NPAS3: variants seen among roughly 807,000 people sequenced by gnomAD.
The protein encoded by NPAS3 is neuronal PAS domain protein 3, also known as neuronal PAS domain-containing protein 3.
NPAS3 carries 14 observed loss-of-function variants against 73.1 expected under a neutral mutation model. The observed-to-expected ratio is 0.19, with a 90% CI of 0.13 to 0.30. The LOEUF (loss-of-function observed/expected upper bound fraction) is 0.30. Ranked by LOEUF, NPAS3 falls within the 10% of genes least tolerant of loss-of-function variation. The probability of loss-of-function intolerance (pLI) is 1.00; values close to 1 mark genes in which losing one functional copy is unlikely to be tolerated. For synonymous variants in NPAS3, 620 were observed against 541.5 expected (o/e 1.14, Z -2.01); for missense variants, 1,096 against 1,250.0 (o/e 0.88, Z 1.86).
rs968683755 is a variant in NPAS3, at chr14:33,026,388, T to C, written c.51-29517T>C. Among the ~76,000 whole-genome samples, 4 of 152,222 alleles carry C rather than the reference T, an allele frequency of 2.6e-5. No homozygotes were observed. In the South Asian group the frequency reaches 8.3e-4, roughly 31 times the overall value. ...ACCTTCTTAGGGCAGGGAATCTGTA[T>C]GGTTCCTCCTTGTATCTGCAGTCTT... On this transcript the variant is annotated intron_variant, in intron 1 of 11. Transcript: ENST00000356141.
chr14:33,212,610 T>G (rs1275124865), intron 2 of NPAS3, among the ~76,000 whole-genome samples: 1 of 152,226 alleles, frequency 6.6e-6, no homozygotes, highest in Non-Finnish European at 1.5e-5. Context: ...ATCTCCCTAG[T>G]ATCTATCCTT....
chr14:33,772,217 C>T (rs1171222418), intron 7 of NPAS3, among the ~76,000 whole-genome samples: 1 of 152,192 alleles, frequency 6.6e-6, no homozygotes, highest in Non-Finnish European at 1.5e-5. Flanking sequence ...TCACCGTTAT[C>T]TCCATTTCAC....
At chr14:33,355,259 C>T (rs1369971172) in intron 3 of NPAS3, among the ~76,000 whole-genome samples, 1 of 152,184 alleles carries the variant, frequency 6.6e-6, no homozygotes, top group Non-Finnish European at 1.5e-5. Flanking sequence ...CTTTGAATTT[C>T]ACTAGAGTTA....
chr14:33,013,079 A>AT (rs1298821599), intron 1 of NPAS3, among the ~76,000 whole-genome samples: 5 of 152,174 alleles, frequency 3.3e-5, no homozygotes, highest in African/African-American at 1.2e-4. Context: ...CTGCTTGCTA[A>AT]TGAGATATAC....
rs1054835048 is a variant in NPAS3 at position 33,334,206 on chromosome 14, T to A, written c.386-32980T>A. On this transcript the variant is annotated intron_variant, in intron 3 of 11. Transcript: ENST00000356141. The stretch of plus-strand genomic sequence containing the variant: ...TAGTGTTTTATTATGACCTCTTTTT[T>A]CACTTTTAAGAGCTTTGTTGAAGTA... 3.9e-5 allele frequency among the ~76,000 whole-genome samples: 6 copies of A among 152,306 alleles called. No homozygotes were observed. In the East Asian group the frequency reaches 1.2e-3, roughly 29 times the overall value.
Position 32,951,083 on chromosome 14 carries a change from A to G in NPAS3, c.50+11717A>G, listed in dbSNP as rs144639164. Among the ~76,000 whole-genome samples, 59 of 152,250 alleles carry G rather than the reference A, an allele frequency of 3.9e-4. 1 individual carries two copies. The highest frequency in any genetic ancestry group is 1.3e-3 in the African/African-American group (54 of 41,560). On this transcript the variant is annotated intron_variant, in intron 1 of 11. Coordinates refer to ENST00000356141, the Ensembl canonical transcript of NPAS3. Reference sequence around the variant, plus strand: ...GCTGCTTGGGAACTAGTGCAGCAGCATGGAATGGCATAAATCCTGGTCACC... The same window carrying G: ...GCTGCTTGGGAACTAGTGCAGCAGCGTGGAATGGCATAAATCCTGGTCACC...
intron 3 of NPAS3, among the ~76,000 whole-genome samples, chr14:33,349,774 G>A (rs2044939638): frequency 6.6e-6 from 1 of 152,194 alleles, no homozygotes; most frequent in Non-Finnish European, 1.5e-5. Context: ...GTCCTGATGG[G>A]AATATGAGCT....
chr14:33,085,525 G>A (rs957475547), intron 2 of NPAS3, among the ~76,000 whole-genome samples: 3 of 152,206 alleles, frequency 2.0e-5, no homozygotes, highest in Admixed American at 6.5e-5. Flanking sequence ...CTCTCTTCTC[G>A]TAGAATGATT....
At chr14:33,705,436 A>C (rs185098275) in intron 6 of NPAS3, among the ~76,000 whole-genome samples, 8 of 152,338 alleles carry the variant, frequency 5.3e-5, no homozygotes, top group Admixed American at 5.2e-4. Flanking sequence ...ATAAATGACA[A>C]AGGTTTGTTC....
At chr14:33,169,425 G>A (rs2045301408) in intron 2 of NPAS3, among the ~76,000 whole-genome samples, 1 of 152,056 alleles carries the variant, frequency 6.6e-6, no homozygotes, top group African/African-American at 2.4e-5. Context: ...AAAATTAGCT[G>A]GGAGTGGTGG....
chr14:33,244,414 T>A (rs2048311202), intron 3 of NPAS3, among the ~76,000 whole-genome samples: 1 of 152,178 alleles, frequency 6.6e-6, no homozygotes, highest in Non-Finnish European at 1.5e-5. Flanking sequence ...TGGAACTATA[T>A]GATGCTTCTA....
intron 3 of NPAS3, among the ~76,000 whole-genome samples, chr14:33,287,842 C>G (rs1278516815): frequency 1.3e-5 from 2 of 152,150 alleles, no homozygotes; most frequent in African/African-American, 2.4e-5. Context: ...AACCATCGTT[C>G]CTGGAATTCA....
chr14:33,055,795 AAAAGC>A, intron 1 of NPAS3, 105 bp from the exon 2 acceptor site: 1 of 546,102 alleles, frequency 1.8e-6, no homozygotes, highest in East Asian at 3.2e-5. Context: ...TGTAGAGCTC[AAAAGC>A]GTAAAAAGCA....
At chr14:33,548,433 G>A (rs2054948616) in intron 4 of NPAS3, among the ~76,000 whole-genome samples, 1 of 152,168 alleles carries the variant, frequency 6.6e-6, no homozygotes, top group Non-Finnish European at 1.5e-5. Flanking sequence ...AAGGTTTCTA[G>A]TGAGTGGATT....
intron 2 of NPAS3, among the ~76,000 whole-genome samples, chr14:33,067,255 A>G (rs141968304): frequency 6.6e-6 from 1 of 152,306 alleles, no homozygotes; most frequent in Non-Finnish European, 1.5e-5. Flanking sequence ...TCTGCAAAAG[A>G]AGAAGACCCT....
intron 2 of NPAS3, among the ~76,000 whole-genome samples, chr14:33,169,576 A>T (rs2045308845): frequency 6.6e-6 from 1 of 152,220 alleles, no homozygotes; most frequent in African/African-American, 2.4e-5. Context: ...TCAACAAAAA[A>T]CAAACACAAA....
chr14:33,241,579 T>C (rs532124317), intron 3 of NPAS3, among the ~76,000 whole-genome samples: 1 of 152,086 alleles, frequency 6.6e-6, no homozygotes, highest in African/African-American at 2.4e-5. Context: ...TGAAGGACAT[T>C]TTGCTATTAC....
At chr14:33,555,371 A>T (rs559792573) in intron 4 of NPAS3, among the ~76,000 whole-genome samples, 1 of 152,208 alleles carries the variant, frequency 6.6e-6, no homozygotes, top group Non-Finnish European at 1.5e-5. Flanking sequence ...AAAATTCTAC[A>T]TAGTGAGTAA....
intron 2 of NPAS3, among the ~76,000 whole-genome samples, chr14:33,197,260 TGTGTGTG>T (rs1197528738): frequency 1.0e-3 from 149 of 149,546 alleles, no homozygotes; most frequent in African/African-American, 3.1e-3. Flanking sequence ...TGTGTGTGTG[TGTGTGTG>T]TTCTTTTTCA....
Sources: allele counts gnomAD v4.1 joint callset (sites outside exome capture counted in the v4.1 genomes callset), GRCh38; gene constraint gnomAD v4.1.1; transcripts MANE v1.5; gene names NCBI Gene and HGNC (gene_info 2026-07-23, HGNC 2026-07-21).